Variants in DGKG observed in about 807,000 individuals in gnomAD.
DGKG encodes DAG kinase gamma.
A neutral mutation model predicts 105.3 loss-of-function variants in DGKG; 78 were observed. That is an observed-to-expected ratio of 0.74 (90% CI 0.62 to 0.89). DGKG has a LOEUF of 0.89. Among genes scored for constraint, DGKG ranks in the 40% least tolerant of loss-of-function variants. DGKG has a pLI of 0.00. For missense variants in DGKG, 958 were observed against 1,020.1 expected (o/e 0.94, Z 0.83); for synonymous variants, 346 against 367.1 (o/e 0.94, Z 0.66).
chr3:186,296,984 C>T (rs1216922980), intron 5 of DGKG, among the ~76,000 whole-genome samples: 1 of 151,886 alleles, frequency 6.6e-6, no homozygotes, highest in East Asian at 1.9e-4. Context: ...TGCTCTGTTC[C>T]TCTCCAGACA....
intron 1 of DGKG, among the ~76,000 whole-genome samples, chr3:186,332,190 A>G (rs1196524106): frequency 2.0e-5 from 3 of 152,216 alleles, no homozygotes; most frequent in Non-Finnish European, 4.4e-5. Flanking sequence ...AAAAGCCAAC[A>G]TTATTTGAGG....
chr3:186,265,234 G>A lies in DGKG; in HGVS notation c.1269+13C>T, dbSNP rs1174570346. On this transcript the variant is annotated intron_variant, in intron 14 of 24. Coordinates refer to ENST00000265022, the MANE Select transcript of DGKG (RefSeq NM_001346.3). ...CTTAGAAGGTGCAATCGGATTTAGA[G>A]CTCATGAGGTACCTGCATGACAAGT... 1 of 1,613,632 alleles carries A rather than the reference G, an allele frequency of 6.2e-7. No individual in the cohort carries two copies. The highest frequency in any genetic ancestry group is 2.2e-5 in the East Asian group (1 of 44,878).
At chr3:186,253,676 C>T (rs1721328905) in intron 17 of DGKG, among the ~76,000 whole-genome samples, 1 of 152,180 alleles carries the variant, frequency 6.6e-6, no homozygotes, top group African/African-American at 2.4e-5. Flanking sequence ...AGCAGCTAGG[C>T]CTGGTCAATA....
Position 186,288,829 on chromosome 3 carries a change from G to A in DGKG, c.425C>T (p.Thr142Ile). 6.2e-7 allele frequency: 1 copy of A among 1,607,270 alleles called. No individual in the cohort carries two copies. Among genetic ancestry groups the A allele is most frequent in the Non-Finnish European group, 8.5e-7 (1 of 1,177,106 alleles). The change falls in exon 6 of 25, where the codon ACC becomes ATC. Residue 142 changes from threonine (T) to isoleucine (I), a missense_variant. Thr to Ile is a moderately conservative substitution (Grantham distance 89). Transcript: ENST00000265022. The part of the protein sequence containing the change: ...QAPAEDQVAA[T>I]PLEPPVPRSS... ...CCGAGGGACGGGGGGTTCCAGGGGG[G>A]TCGCAGCCACTTGGTCTTCAGCTGG...
intron 1 of DGKG, among the ~76,000 whole-genome samples, chr3:186,327,991 A>G (rs375535077): frequency 6.6e-6 from 1 of 151,870 alleles, no homozygotes; most frequent in Non-Finnish European, 1.5e-5. Context: ...CTCCTGCCCC[A>G]CACACTCCAC....
chr3:186,267,476 C>T (rs1722109904), intron 13 of DGKG: 1 of 524,962 alleles, frequency 1.9e-6, no homozygotes, highest in Non-Finnish European at 3.5e-6. Context: ...ATCTGCACAA[C>T]AAACTCCCGC....
chr3:186,259,069 T>C (rs1388407538), intron 16 of DGKG, among the ~76,000 whole-genome samples: 1 of 152,116 alleles, frequency 6.6e-6, no homozygotes, highest in African/African-American at 2.4e-5. Context: ...GTAGGCAAAT[T>C]AACATTCCTT....
intron 21 of DGKG, among the ~76,000 whole-genome samples, chr3:186,194,141 T>C (rs191097170): frequency 5.9e-5 from 9 of 152,300 alleles, no homozygotes; most frequent in Admixed American, 1.3e-4. Context: ...CCAGTTCTGG[T>C]TTCTTCCTGA....
intron 13 of DGKG, among the ~76,000 whole-genome samples, chr3:186,266,722 C>T (rs1051383879): frequency 2.6e-4 from 39 of 152,242 alleles, no homozygotes; most frequent in African/African-American, 8.7e-4. Flanking sequence ...CTCAGCCTCC[C>T]CAGTAGCTGG....
chr3:186,256,601 C>T (rs1193442496), intron 17 of DGKG, among the ~76,000 whole-genome samples: 1 of 152,156 alleles, frequency 6.6e-6, no homozygotes, highest in East Asian at 1.9e-4. Flanking sequence ...GTCATGGGAC[C>T]CTCCCAGTAT....
chr3:186,320,778 A>AT, intron 1 of DGKG, 71 bp from the exon 2 acceptor site: 1 of 269,502 alleles, frequency 3.7e-6, no homozygotes, highest in Non-Finnish European at 7.0e-6. Context: ...TTCTTTGCTG[A>AT]AAGATCTACA....
At chr3:186,322,634 CT>C (rs1725133408) in intron 1 of DGKG, among the ~76,000 whole-genome samples, 2 of 152,312 alleles carry the variant, frequency 1.3e-5, no homozygotes, top group Admixed American at 1.3e-4. Context: ...CCTCTTCTCA[CT>C]CTACATCCCT....
At chr3:186,173,701 G>A (rs965362285) in intron 22 of DGKG, among the ~76,000 whole-genome samples, 3 of 152,224 alleles carry the variant, frequency 2.0e-5, no homozygotes, top group Non-Finnish European at 4.4e-5. Flanking sequence ...TGCTCCTGGC[G>A]AAAGAGCTTC....
Position 186,150,656 on chromosome 3 carries a change from G to A in DGKG, c.2278-468C>T, listed in dbSNP as rs553913919. Among the ~76,000 whole-genome samples, 16 of 152,318 alleles carry A rather than the reference G, an allele frequency of 1.1e-4. No homozygotes were observed. In the South Asian group the frequency reaches 1.9e-3, roughly 18 times the overall value. On this transcript the variant is annotated intron_variant, in intron 24 of 24. Transcript: ENST00000265022. ...GTGCTGAGATGTCAATCAAGTGACC[G>A]AGGCTTTGGTCTGACCTCTGACCAA...
intron 13 of DGKG, among the ~76,000 whole-genome samples, chr3:186,265,845 T>C (rs905873163): frequency 1.3e-5 from 2 of 151,930 alleles, no homozygotes; most frequent in Non-Finnish European, 2.9e-5. Flanking sequence ...AATTTTCTTG[T>C]ATTTTTAGTA....
chr3:186,250,865 A>T (rs1721187534), intron 19 of DGKG, among the ~76,000 whole-genome samples: 2 of 151,904 alleles, frequency 1.3e-5, no homozygotes, highest in Admixed American at 1.3e-4. Flanking sequence ...TGTCATTCTT[A>T]AAAAAAGTAA....
intron 5 of DGKG, among the ~76,000 whole-genome samples, chr3:186,289,369 G>GAT (rs1723216000): frequency 6.6e-6 from 1 of 152,152 alleles, no homozygotes; most frequent in African/African-American, 2.4e-5. Flanking sequence ...GATAATTAAC[G>GAT]AATCTCCAGA....
At chr3:186,235,935 C>T (rs1015848994) in intron 20 of DGKG, among the ~76,000 whole-genome samples, 1 of 152,194 alleles carries the variant, frequency 6.6e-6, no homozygotes, top group African/African-American at 2.4e-5. Context: ...ATCTGTCCTG[C>T]CACTCTCCTT....
chr3:186,239,429 T>C (rs535005539), intron 20 of DGKG, among the ~76,000 whole-genome samples: 77 of 152,354 alleles, frequency 5.1e-4, no homozygotes, highest in African/African-American at 1.7e-3. Flanking sequence ...CCTTGCGGCC[T>C]TTCCTAAGTT....
Sources: gnomAD v4.1 joint callset for allele counts (sites outside exome capture counted in the v4.1 genomes callset) on GRCh38, gnomAD v4.1.1 for gene constraint, MANE v1.5 for transcripts, NCBI Gene and HGNC (gene_info 2026-07-23, HGNC 2026-07-21) for gene names.